Variants in CCDC138 observed in about 807,000 individuals in gnomAD.
The protein encoded by CCDC138 is coiled-coil domain containing 138.
Under a neutral mutation model 82.3 loss-of-function variants are expected in CCDC138, and 66 were observed. That is an observed-to-expected ratio of 0.80 (90% CI 0.66 to 0.98). The LOEUF is 0.98. Among genes scored for constraint, CCDC138 ranks in the 50% least tolerant of loss-of-function variants. CCDC138 has a pLI of 0.00. For missense variants in CCDC138, 816 were observed against 758.9 expected, an observed-to-expected ratio of 1.08 and a Z score of -0.88; for synonymous variants, 297 against 265.4, an observed-to-expected ratio of 1.12 and a Z score of -1.16.
intron 12 of CCDC138, among the ~76,000 whole-genome samples, chr2:108,855,036 A>G (rs902829563): frequency 6.6e-6 from 1 of 152,198 alleles, no homozygotes; most frequent in Non-Finnish European, 1.5e-5. Flanking sequence ...TTGCCAGGAC[A>G]TTGTTAAAAG....
intron 9 of CCDC138, among the ~76,000 whole-genome samples, chr2:108,814,866 C>T (rs1684492841): frequency 6.6e-6 from 1 of 151,880 alleles, no homozygotes; most frequent in East Asian, 1.9e-4. Context: ...AATCTCCTGA[C>T]CTCTGGTGAT....
intron 12 of CCDC138, among the ~76,000 whole-genome samples, chr2:108,851,583 G>A (rs920002535): frequency 2.0e-5 from 3 of 151,884 alleles, no homozygotes; most frequent in African/African-American, 4.9e-5. Flanking sequence ...TATTACAGGC[G>A]TGAGCCACCG....
chr2:108,788,293 G>C (rs1487306723), intron 2 of CCDC138, among the ~76,000 whole-genome samples: 2 of 151,310 alleles, frequency 1.3e-5, no homozygotes, highest in South Asian at 2.1e-4. Context: ...GGTGGCGGGC[G>C]CCTGTAATCC....
intron 1 of CCDC138, among the ~76,000 whole-genome samples, chr2:108,787,480 A>T (rs1191999138): frequency 6.6e-6 from 1 of 152,164 alleles, no homozygotes; most frequent in African/African-American, 2.4e-5. Context: ...AAGCATAAGG[A>T]CGTTGTCTTT....
intron 10 of CCDC138, among the ~76,000 whole-genome samples, chr2:108,824,757 C>G (rs1202767586): frequency 6.6e-6 from 1 of 151,974 alleles, no homozygotes. Context: ...CTACTGGCAG[C>G]ACAGTAGTTT....
At chr2:108,818,256 G>C (rs1408161717) in intron 10 of CCDC138, among the ~76,000 whole-genome samples, 3 of 152,112 alleles carry the variant, frequency 2.0e-5, no homozygotes, top group East Asian at 3.9e-4. Flanking sequence ...GCAGTGAGCC[G>C]TGATTGTACC....
At chr2:108,811,987 G>T (rs1474041633) in intron 7 of CCDC138, among the ~76,000 whole-genome samples, 1 of 151,918 alleles carries the variant, frequency 6.6e-6, no homozygotes, top group Non-Finnish European at 1.5e-5. Flanking sequence ...TCTATTCATG[G>T]TGTATATATA....
downstream of CCDC138, among the ~76,000 whole-genome samples, chr2:108,878,662 A>G (rs1284742449): frequency 6.6e-6 from 1 of 152,234 alleles, no homozygotes; most frequent in African/African-American, 2.4e-5. Context: ...TTTGAAAAAA[A>G]TTGTTTTTAA....
chr2:108,882,415 C>G (rs190905099), intron 1 of CCDC138: 2 of 152,264 alleles, frequency 1.3e-5, no homozygotes, highest in African/African-American at 4.8e-5. Context: ...AGAGCTCACA[C>G]CCTTCTGATG....
intron 10 of CCDC138, among the ~76,000 whole-genome samples, chr2:108,834,895 A>G (rs374663429): frequency 7.9e-5 from 12 of 152,346 alleles, no homozygotes; most frequent in African/African-American, 2.4e-4. Flanking sequence ...ACAGAATTCT[A>G]TTTGATTCTT....
chr2:108,866,610 C>A (rs1200589078), intron 13 of CCDC138, among the ~76,000 whole-genome samples: 1 of 152,154 alleles, frequency 6.6e-6, no homozygotes, highest in Non-Finnish European at 1.5e-5. Flanking sequence ...ATAGGCCAGG[C>A]ATGGTGGCTC....
At chr2:108,829,591 T>C (rs973339021) in intron 10 of CCDC138, among the ~76,000 whole-genome samples, 6 of 152,016 alleles carry the variant, frequency 3.9e-5, no homozygotes, top group African/African-American at 1.4e-4. Context: ...ACTAAAAATA[T>C]AAAAATTAGC....
At chr2:108,829,177 A>G (rs1447264646) in intron 10 of CCDC138, among the ~76,000 whole-genome samples, 1 of 152,210 alleles carries the variant, frequency 6.6e-6, no homozygotes, top group Non-Finnish European at 1.5e-5. Context: ...TTGTGCATCA[A>G]CAGATTGAAA....
intron 13 of CCDC138, among the ~76,000 whole-genome samples, chr2:108,860,031 T>C (rs1267483153): frequency 6.6e-6 from 1 of 152,188 alleles, no homozygotes; most frequent in Non-Finnish European, 1.5e-5. Flanking sequence ...CCTGGTTAGA[T>C]GTATTCCTAA....
chr2:108,843,174 T>C (rs2150522767), intron 11 of CCDC138, among the ~76,000 whole-genome samples: 1 of 152,078 alleles, frequency 6.6e-6, no homozygotes, highest in Non-Finnish European at 1.5e-5. Flanking sequence ...TCTTTTTCTT[T>C]TGAGGCAGGG....
chr2:108,881,911 A>G (rs561497641), intron 1 of CCDC138, among the ~76,000 whole-genome samples: 7 of 152,302 alleles, frequency 4.6e-5, no homozygotes, highest in African/African-American at 1.7e-4. Flanking sequence ...TGGGAAGCTG[A>G]GGCTAGAGGA....
intron 10 of CCDC138, among the ~76,000 whole-genome samples, chr2:108,824,002 G>A (rs1032499445): frequency 3.3e-5 from 5 of 151,528 alleles, no homozygotes; most frequent in African/African-American, 1.2e-4. Context: ...GGGGTGGGGG[G>A]TACACCTGAA....
chr2:108,793,995 A>T lies in CCDC138; in HGVS notation c.395-545A>T, dbSNP rs1573923627. Among the ~76,000 whole-genome samples the T allele has an allele frequency of 2.0e-5, 3 of 152,290 alleles. No individual in the cohort carries two copies. The South Asian group carries it at 6.2e-4, about 32-fold the overall frequency. ...ATCAGCTCAAATTTCCACCTATAGG[A>T]GGATGCTGTATACAGTGTTTGCAAA... On this transcript the variant is annotated intron_variant, in intron 4 of 14. Coordinates refer to ENST00000295124, the MANE Select transcript of CCDC138 (RefSeq NM_144978.3).
intron 13 of CCDC138, among the ~76,000 whole-genome samples, chr2:108,871,003 A>C (rs947076888): frequency 6.6e-6 from 1 of 152,200 alleles, no homozygotes; most frequent in Admixed American, 6.5e-5. Flanking sequence ...GAATATAAAT[A>C]AACTTCTAGA....
Sources: allele counts gnomAD v4.1 joint callset (sites outside exome capture counted in the v4.1 genomes callset), GRCh38; gene constraint gnomAD v4.1.1; transcripts MANE v1.5; gene names NCBI Gene and HGNC (gene_info 2026-07-23, HGNC 2026-07-21).